TRAK1: variants seen among roughly 807,000 people sequenced by gnomAD.
TRAK1 encodes trafficking kinesin protein 1, also known as trafficking kinesin-binding protein 1.
Under a neutral mutation model 92.1 loss-of-function variants are expected in TRAK1, and 33 were observed. That is an observed-to-expected ratio of 0.36 (90% CI 0.27 to 0.48). The LOEUF (loss-of-function observed/expected upper bound fraction) is 0.48, where lower values mean the gene tolerates loss of function less well. Ranked by LOEUF, TRAK1 falls within the 20% of genes least tolerant of loss-of-function variation. The pLI is 0.99. For missense variants in TRAK1, 1,123 were observed against 1,257.9 expected, an observed-to-expected ratio of 0.89 and a Z score of 1.62; for synonymous variants, 521 against 517.3, an observed-to-expected ratio of 1.01 and a Z score of -0.10.
intron 15 of TRAK1, 132 bp from the exon 16 acceptor site, chr3:42,222,810 G>T (rs1710486885): frequency 3.4e-6 from 3 of 873,600 alleles, no homozygotes; most frequent in African/African-American, 1.7e-5. Flanking sequence ...GAGCCTTTGG[G>T]GGCCTCAGCT....
Position 42,187,687 on chromosome 3 carries a change from G to A in TRAK1, c.481-358G>A, listed in dbSNP as rs376617523. On this transcript the variant is annotated intron_variant, in intron 4 of 15. Coordinates refer to ENST00000327628, the MANE Select transcript of TRAK1 (RefSeq NM_001042646.3). Reference sequence around the variant, plus strand: ...TCACCATGTTGGTCAGGCTGGTCTCGAACTCCTGACTTCAGATGATCTGCC... The same window carrying A: ...TCACCATGTTGGTCAGGCTGGTCTCAAACTCCTGACTTCAGATGATCTGCC... Among the ~76,000 whole-genome samples, 8 of 152,070 alleles carry A rather than the reference G, an allele frequency of 5.3e-5. No individual in the cohort carries two copies. In the East Asian group the frequency reaches 7.8e-4, roughly 15 times the overall value.
intron 2 of TRAK1, among the ~76,000 whole-genome samples, chr3:42,164,486 A>G (rs1701636762): frequency 6.6e-6 from 1 of 152,226 alleles, no homozygotes; most frequent in South Asian, 2.1e-4. Context: ...GCACTTGTGT[A>G]GAGTCCCTCA....
At chr3:42,037,318 A>G (rs1702362109) in intron 1 of TRAK1, among the ~76,000 whole-genome samples, 1 of 152,170 alleles carries the variant, frequency 6.6e-6, no homozygotes, top group Non-Finnish European at 1.5e-5. Context: ...ATTTTCCTTA[A>G]TTATCTTATT....
chr3:42,064,522 T>C (rs1377495851), intron 1 of TRAK1, among the ~76,000 whole-genome samples: 1 of 152,240 alleles, frequency 6.6e-6, no homozygotes, highest in Non-Finnish European at 1.5e-5. Flanking sequence ...TCTAGGAAGC[T>C]ACCATGTGAT....
intron 4 of TRAK1, among the ~76,000 whole-genome samples, chr3:42,185,973 C>CTCTTT (rs1704765602): frequency 1.2e-5 from 1 of 83,964 alleles, no homozygotes; most frequent in African/African-American, 5.4e-5. Flanking sequence ...TGTGCCCAGC[C>CTCTTT]TTTTTTTTTT....
intron 1 of TRAK1, among the ~76,000 whole-genome samples, chr3:42,035,522 A>G (rs531264914): frequency 2.6e-5 from 4 of 152,290 alleles, no homozygotes; most frequent in African/African-American, 9.6e-5. Flanking sequence ...GTGAGCAGTG[A>G]CATGGAGGGC....
chr3:42,110,321 A>C (rs1179753450), intron 1 of TRAK1, among the ~76,000 whole-genome samples: 1 of 150,746 alleles, frequency 6.6e-6, no homozygotes, highest in Non-Finnish European at 1.5e-5. Flanking sequence ...GTGTGTGTTG[A>C]GGGGTGGGGG....
chr3:42,105,142 C>T lies in TRAK1; in HGVS notation c.91+13582C>T, dbSNP rs956728955. ...AATTTTTTTGTATTTTTATTAGAGA[C>T]GGGGTTTCTCCATGTTGGTCAGGCT... On this transcript the variant is annotated intron_variant, in intron 1 of 15. Coordinates refer to ENST00000327628, the MANE Select transcript of TRAK1 (RefSeq NM_001042646.3). Among the ~76,000 whole-genome samples the T allele has an allele frequency of 5.5e-4, 83 of 151,632 alleles. 1 individual carries two copies. Among genetic ancestry groups the T allele is most frequent in the Admixed American group, 5.2e-3 (79 of 15,220 alleles).
chr3:42,167,397 C>T (rs1702008773), intron 2 of TRAK1, among the ~76,000 whole-genome samples: 5 of 152,162 alleles, frequency 3.3e-5, no homozygotes, highest in Admixed American at 3.3e-4. Flanking sequence ...TTTGTTCTGC[C>T]TGCCCTGCTG....
At chr3:42,041,886 C>G (rs1388032338) in intron 1 of TRAK1, among the ~76,000 whole-genome samples, 1 of 152,006 alleles carries the variant, frequency 6.6e-6, no homozygotes, top group East Asian at 1.9e-4. Flanking sequence ...CCTCCGCCTC[C>G]CGGGTTCAAG....
chr3:42,014,242 C>T (rs2148871719), intron 1 of TRAK1: 1 of 152,506 alleles, frequency 6.6e-6, no homozygotes, highest in South Asian at 2.1e-4. Flanking sequence ...CGCCGGGACC[C>T]TGCGGGGACA....
chr3:42,152,703 T>C (rs754035538), intron 2 of TRAK1, among the ~76,000 whole-genome samples: 45 of 152,254 alleles, frequency 3.0e-4, no homozygotes, highest in Non-Finnish European at 4.1e-4. Context: ...GTTTCTTGGC[T>C]ACACTGGCCA....
At chr3:42,142,057 G>T (rs1240934548) in intron 2 of TRAK1, among the ~76,000 whole-genome samples, 1 of 152,140 alleles carries the variant, frequency 6.6e-6, no homozygotes, top group Non-Finnish European at 1.5e-5. Context: ...GCTTGAACCT[G>T]GGAAGTGGAG....
At chr3:42,217,807 G>C (rs11928109) in intron 14 of TRAK1, 4 of 985,056 alleles carry the variant, frequency 4.1e-6, no homozygotes, top group Non-Finnish European at 4.8e-6. Context: ...ACCTTATTGC[G>C]GGAAGAGAAT....
intron 2 of TRAK1, among the ~76,000 whole-genome samples, chr3:42,132,077 A>G (rs1448309046): frequency 1.3e-5 from 2 of 152,110 alleles, no homozygotes; most frequent in South Asian, 4.1e-4. Flanking sequence ...TCAAAAAAAG[A>G]AAAAGGAAAA....
rs372685656 is a variant in TRAK1 at position 42,160,202 on chromosome 3, C to T, written c.287-16612C>T. The T allele has an allele frequency of 8.8e-5, 127 of 1,445,412 alleles. No homozygotes were observed. The South Asian group carries it at 1.7e-3, about 19-fold the overall frequency. 89.5% of individuals were successfully genotyped at this position (1,445,412 alleles called of 1,614,324 possible). On this transcript the variant is annotated intron_variant, in intron 2 of 15. Transcript: ENST00000327628. ...CTGGGCCAGGAGCTTTGTGTACACCCCTCCACTTCAGCTGAGCCAGGGCAT... is the reference window on the plus strand; with the variant it reads ...CTGGGCCAGGAGCTTTGTGTACACCTCTCCACTTCAGCTGAGCCAGGGCAT...
Position 42,193,293 on chromosome 3 carries a change from A to G in TRAK1, c.900+88A>G, listed in dbSNP as rs1030757561. ...TTTACTCCAGAAGACAGTGCTCTTT[A>G]GTTTCATATCTTAGCAGTTCGTGTT... On this transcript the variant is annotated intron_variant, in intron 8 of 15. Coordinates refer to ENST00000327628, the MANE Select transcript of TRAK1 (RefSeq NM_001042646.3). 42 of 1,547,086 alleles carry G rather than the reference A, an allele frequency of 2.7e-5. No individual in the cohort carries two copies. The Admixed American group carries it at 8.3e-4, about 31-fold the overall frequency.
chr3:42,071,617 A>G (rs1703934458), intron 1 of TRAK1, among the ~76,000 whole-genome samples: 1 of 151,876 alleles, frequency 6.6e-6, no homozygotes. Context: ...CTGAGGCAGG[A>G]GAATTGCTTG....
At chr3:42,198,937 A>C (rs1707146934) in intron 10 of TRAK1, among the ~76,000 whole-genome samples, 1 of 152,116 alleles carries the variant, frequency 6.6e-6, no homozygotes. Context: ...CTAATGGCAT[A>C]TGAGTCAGCA....
Sources: gnomAD v4.1 joint callset for allele counts (sites outside exome capture counted in the v4.1 genomes callset) on GRCh38, gnomAD v4.1.1 for gene constraint, MANE v1.5 for transcripts, NCBI Gene and HGNC (gene_info 2026-07-23, HGNC 2026-07-21) for gene names.